Variants in DLEU7 observed in about 807,000 individuals in gnomAD.
DLEU7 encodes leukemia-associated protein 7.
In DLEU7, 17 loss-of-function variants were observed where a neutral mutation model predicts 16.0. That is an observed-to-expected ratio of 1.06 (90% CI 0.73 to 1.59). The LOEUF (loss-of-function observed/expected upper bound fraction) is 1.59. DLEU7 is among the 40% of genes most tolerant of loss of function. The pLI, the probability that DLEU7 is intolerant of heterozygous loss-of-function variation, is 0.00. For missense variants in DLEU7, 308 were observed against 314.9 expected (o/e 0.98, Z 0.17); for synonymous variants, 113 against 139.8 (o/e 0.81, Z 1.35).
intron 1 of DLEU7, among the ~76,000 whole-genome samples, chr13:50,781,710 C>T (rs1315627522): frequency 1.3e-5 from 2 of 152,140 alleles, no homozygotes; most frequent in Admixed American, 1.3e-4. Context: ...GGGAAGACTC[C>T]TATCTGTCCT....
intron 1 of DLEU7, among the ~76,000 whole-genome samples, chr13:50,795,866 T>C (rs1320296913): frequency 1.3e-5 from 2 of 152,226 alleles, no homozygotes; most frequent in Non-Finnish European, 2.9e-5. Context: ...TTTTCTATCC[T>C]TGTGGTTTAA....
downstream of DLEU7, chr13:50,711,586 G>A (rs898023407): frequency 6.6e-6 from 1 of 152,194 alleles, no homozygotes; most frequent in Non-Finnish European, 1.5e-5. Context: ...TTACTGCATG[G>A]TTCTTGGCCT....
chr13:50,787,712 T>TC (rs1035897321), intron 1 of DLEU7, among the ~76,000 whole-genome samples: 5 of 142,394 alleles, frequency 3.5e-5, no homozygotes, highest in South Asian at 2.4e-4. Context: ...TCCCCTGCCC[T>TC]CCCCCCCACC....
chr13:50,714,902 C>T (rs1432021096), intron 1 of DLEU7, among the ~76,000 whole-genome samples: 1 of 152,202 alleles, frequency 6.6e-6, no homozygotes, highest in African/African-American at 2.4e-5. Context: ...GGTTAGAAGT[C>T]CAGTGGGCGC....
In DLEU7 at chr13:50,841,965, T is replaced by A. The variant is rs143380338; in HGVS notation, c.459+1223A>T. On this transcript the variant is annotated intron_variant, in intron 1 of 1. Coordinates refer to ENST00000504404, the MANE Select transcript of DLEU7 (RefSeq NM_001306135.2). Reference sequence around the variant, plus strand: ...CCACCGCCCCCGCCACCTTTGGCAGTGTCTGGAGACATTTTTGGCTGTATC... The same window carrying A: ...CCACCGCCCCCGCCACCTTTGGCAGAGTCTGGAGACATTTTTGGCTGTATC... 7.6e-4 allele frequency among the ~76,000 whole-genome samples: 115 copies of A among 151,590 alleles called. 1 individual carries two copies. The highest frequency in any genetic ancestry group is 2.7e-3 in the African/African-American group (111 of 41,364).
At chr13:50,770,013 A>G (rs1446142344) in intron 1 of DLEU7, among the ~76,000 whole-genome samples, 3 of 151,912 alleles carry the variant, frequency 2.0e-5, no homozygotes, top group Non-Finnish European at 4.4e-5. Flanking sequence ...ATTCCTAGGT[A>G]TTTTATTCTC....
At chr13:50,765,778 G>A (rs1875084753) in intron 1 of DLEU7, among the ~76,000 whole-genome samples, 1 of 152,112 alleles carries the variant, frequency 6.6e-6, no homozygotes. Context: ...CCAGCAATAT[G>A]AAGATGAAGG....
In DLEU7 at chr13:50,713,207, G is replaced by A. The variant is rs747260789; in HGVS notation, c.*10C>T. ...TCCTGATGGTCCTCACACTCCTACA[G>A]TGACCTTCTTCACTCATTAGCCAGG... On this transcript the variant is annotated 3_prime_UTR_variant, in exon 2 of 2. Transcript: ENST00000400393. 5.0e-6 allele frequency: 8 copies of A among 1,610,936 alleles called. No homozygotes were observed. The East Asian group carries it at 6.7e-5, about 13-fold the overall frequency.
intron 1 of DLEU7, among the ~76,000 whole-genome samples, chr13:50,732,513 A>G (rs1873939408): frequency 6.8e-6 from 1 of 147,624 alleles, no homozygotes; most frequent in Non-Finnish European, 1.5e-5. Context: ...AGGTCGAGGC[A>G]GGAGAATCAC....
downstream of DLEU7, among the ~76,000 whole-genome samples, chr13:50,818,278 A>G (rs1015098674): frequency 1.1e-4 from 16 of 152,128 alleles, no homozygotes; most frequent in African/African-American, 3.9e-4. Flanking sequence ...AGAAAAGGCC[A>G]CTCAGAATGG....
chr13:50,815,513 T>C (rs1483501491), intron 1 of DLEU7, among the ~76,000 whole-genome samples: 1 of 152,156 alleles, frequency 6.6e-6, no homozygotes, highest in African/African-American at 2.4e-5. Flanking sequence ...CAATTGTTTC[T>C]ATACTGACTA....
At chr13:50,839,518 G>A (rs895985975) in intron 1 of DLEU7, among the ~76,000 whole-genome samples, 1 of 152,130 alleles carries the variant, frequency 6.6e-6, no homozygotes, top group Non-Finnish European at 1.5e-5. Context: ...CTCCATGCCT[G>A]CAGATTTCAC....
intron 1 of DLEU7, among the ~76,000 whole-genome samples, chr13:50,771,730 T>C (rs912883456): frequency 6.6e-5 from 10 of 152,216 alleles, no homozygotes; most frequent in Non-Finnish European, 1.5e-4. Flanking sequence ...CTGAGAAGAA[T>C]GTATATTCTG....
intron 1 of DLEU7, among the ~76,000 whole-genome samples, chr13:50,777,871 T>G (rs963121539): frequency 6.6e-6 from 1 of 152,202 alleles, no homozygotes; most frequent in African/African-American, 2.4e-5. Context: ...TCCCCTGTAT[T>G]AAGAAATATC....
chr13:50,721,057 G>A (rs1276308132), intron 1 of DLEU7, among the ~76,000 whole-genome samples: 1 of 152,204 alleles, frequency 6.6e-6, no homozygotes, highest in African/African-American at 2.4e-5. Context: ...CAGCTGCAAT[G>A]TGAGTGGGCA....
At chr13:50,777,065 G>T (rs972128690) in intron 1 of DLEU7, among the ~76,000 whole-genome samples, 3 of 152,116 alleles carry the variant, frequency 2.0e-5, no homozygotes, top group Non-Finnish European at 4.4e-5. Context: ...CTTTGAAAAG[G>T]GATAAATGCT....
chr13:50,762,047 C>A (rs1468002767), intron 1 of DLEU7, among the ~76,000 whole-genome samples: 1 of 151,734 alleles, frequency 6.6e-6, no homozygotes, highest in African/African-American at 2.4e-5. Flanking sequence ...AAAAAATTAG[C>A]CAGGCGTGGT....
intron 1 of DLEU7, among the ~76,000 whole-genome samples, chr13:50,747,529 C>T (rs1593539395): frequency 6.6e-6 from 1 of 152,158 alleles, no homozygotes; most frequent in African/African-American, 2.4e-5. Flanking sequence ...CACCTCCTTT[C>T]ATAGATGGAG....
intron 1 of DLEU7, among the ~76,000 whole-genome samples, chr13:50,787,314 C>G (rs671549): frequency 0.51 from 78,018 of 152,034 alleles, 21,510 homozygotes; most frequent in African/African-American, 0.72. Context: ...CTCCAATCAA[C>G]AGGGACCTCC....
Sources: allele counts gnomAD v4.1 joint callset (sites outside exome capture counted in the v4.1 genomes callset), GRCh38; gene constraint gnomAD v4.1.1; transcripts MANE v1.5; gene names NCBI Gene and HGNC (gene_info 2026-07-23, HGNC 2026-07-21).